The following PEX1 variants were observed in gnomAD, a reference collection of about 807,000 sequenced individuals.
PEX1 encodes peroxisomal biogenesis factor 1, also known as peroxisomal ATPase PEX1.
A neutral mutation model predicts 152.5 loss-of-function variants in PEX1; 97 were observed. The observed-to-expected ratio is 0.64, with a 90% CI of 0.54 to 0.75. The LOEUF (loss-of-function observed/expected upper bound fraction) is 0.75, where lower values mean the gene tolerates loss of function less well. Among genes scored for constraint, PEX1 ranks in the 30% least tolerant of loss-of-function variants. The pLI is 0.00. For synonymous variants in PEX1, 485 were observed against 531.6 expected (o/e 0.91, Z 1.21); for missense variants, 1,357 against 1,516.3 (o/e 0.89, Z 1.74).
At chr7:92,512,882 C>T (rs1473647753) in intron 6 of PEX1, among the ~76,000 whole-genome samples, 1 of 152,116 alleles carries the variant, frequency 6.6e-6, no homozygotes, top group Non-Finnish European at 1.5e-5. Context: ...CCTCCCACCT[C>T]AGCTTCCCAA....
Position 92,502,026 on chromosome 7 carries a change from A to T in PEX1, c.2280T>A (p.Asp760Glu). ...CNVIKNKLDCDINKFTDLDLQ... is the reference protein window; with the variant it reads ...CNVIKNKLDCEINKFTDLDLQ... Reference sequence around the variant, plus strand: ...GGTCAAGATCGGTGAACTTGTTTATATCACAGTCCAATTTATTTTTTATTA... The same window carrying T: ...GGTCAAGATCGGTGAACTTGTTTATTTCACAGTCCAATTTATTTTTTATTA... Residue 760 changes from aspartate (D) to glutamate (E), a missense_variant, in exon 14 of 24, where the codon GAT (aspartate) becomes GAA (glutamate). Transcript: ENST00000248633. The T allele has an allele frequency of 6.2e-7, 1 of 1,613,060 alleles. No individual in the cohort carries two copies. Among genetic ancestry groups the T allele is most frequent in the Middle Eastern group, 1.7e-4 (1 of 6,058 alleles).
At position 92,518,000 on chromosome 7, in the gene PEX1, T is replaced by C; in HGVS notation, c.515A>G (p.Asp172Gly). The change falls in exon 5 of 24, where the codon GAC becomes GGC. Residue 172 changes from aspartate (D) to glycine (G), a missense_variant. By Grantham distance (94) the Asp-to-Gly change is moderately conservative. Transcript: ENST00000248633. ...PAASYGRLET[D>G]TKLLIQPKTR... is the part of the protein sequence containing the mutation. ...CTTTGGCTGAATAAGGAGTTTGGTG[T>C]CAGTTTCCAGCCTTCCATAAGAGGC... The C allele has an allele frequency of 1.2e-6, 2 of 1,614,070 alleles. No homozygotes were observed. The highest frequency in any genetic ancestry group is 1.7e-6 in the Non-Finnish European group (2 of 1,179,976).
rs1440660705 is a variant in PEX1, at chr7:92,516,038, G to GAA, written c.1239+1236_1239+1237dup. Among the ~76,000 whole-genome samples the GAA allele has an allele frequency of 8.6e-3, 944 of 109,814 alleles. 7 individuals are homozygous for GAA. The highest frequency in any genetic ancestry group is 0.04 in the East Asian group (157 of 3,914). 72.0% of individuals were successfully genotyped at this position (109,814 alleles called of 152,430 possible). A position where few individuals can be genotyped will look rare whatever the true frequency, so the allele number is the denominator to read the frequency against. On this transcript the variant is annotated intron_variant, in intron 5 of 23. Coordinates refer to ENST00000248633, the MANE Select transcript of PEX1 (RefSeq NM_000466.3). ...GAAGAGAAGAGAAGAGAAGAGAAGA[G>GAA]AAGAGAAGAGAAGAGAAAAAAGAAA...
intron 11 of PEX1, 142 bp from the exon 12 acceptor site, chr7:92,505,044 A>G (rs1442015941): frequency 4.5e-6 from 3 of 669,442 alleles, no homozygotes; most frequent in Non-Finnish European, 7.9e-6. Context: ...TACCCATCAC[A>G]AAAACTTGTT....
intron 23 of PEX1, among the ~76,000 whole-genome samples, 166 bp downstream of exon 23, chr7:92,489,127 C>G (rs1791118087): frequency 6.6e-6 from 1 of 152,228 alleles, no homozygotes; most frequent in Non-Finnish European, 1.5e-5. Context: ...TTCTGTACTT[C>G]TGACATTTTG....
rs200162889 is a variant in PEX1 at position 92,528,472 on chromosome 7, C to A, written c.-37G>T. On this transcript the variant is annotated 5_prime_UTR_variant, in exon 1 of 24. Coordinates refer to ENST00000248633, the MANE Select transcript of PEX1 (RefSeq NM_000466.3). The stretch of plus-strand genomic sequence containing the variant: ...GTCGCTCTGGGTTCGCCCACCCTAG[C>A]GCCGCAAAGGACCCGGGACCCGGCA... The A allele has an allele frequency of 5.2e-6, 8 of 1,546,802 alleles. No individual in the cohort carries two copies. In the African/African-American group the frequency reaches 1.1e-4, roughly 21 times the overall value.
intron 1 of PEX1, among the ~76,000 whole-genome samples, chr7:92,523,071 C>G (rs1793119885): frequency 6.6e-6 from 1 of 151,810 alleles, no homozygotes; most frequent in African/African-American, 2.4e-5. Context: ...AGTTTGTGGC[C>G]AAGGACCAAA....
intron 8 of PEX1, among the ~76,000 whole-genome samples, chr7:92,509,943 A>G (rs1792376548): frequency 6.6e-6 from 1 of 152,158 alleles, no homozygotes; most frequent in Non-Finnish European, 1.5e-5. Context: ...CAGGAGTTCA[A>G]GAGCAGCCTG....
At chr7:92,515,688 A>G (rs1248918078) in intron 5 of PEX1, among the ~76,000 whole-genome samples, 2 of 152,182 alleles carry the variant, frequency 1.3e-5, no homozygotes, top group African/African-American at 2.4e-5. Context: ...GACAGTTTAA[A>G]GCTAACAGAA....
At position 92,522,225 on chromosome 7, in the gene PEX1, G is replaced by A; in HGVS notation, c.150C>T (p.Val50=). 6.2e-7 allele frequency: 1 copy of A among 1,613,988 alleles called. No individual in the cohort carries two copies. The highest frequency in any genetic ancestry group is 8.5e-7 in the Non-Finnish European group (1 of 1,179,976). Residue 50 remains valine (V), a synonymous_variant, in exon 2 of 24, where the codon GTC becomes GTT. Coordinates refer to ENST00000248633, the MANE Select transcript of PEX1 (RefSeq NM_000466.3). ...HLLQNQAIEV[V]WSHQPAFLSW... is the part of the protein sequence containing the mutation. ...TCAAGAATGCAGGCTGGTGACTCCA[G>A]ACCACTTCTATAGCTTGATTCTATT...
rs76587269 is a variant in PEX1 at position 92,499,570 on chromosome 7, T to C, written c.2718+134A>G. On this transcript the variant is annotated intron_variant, in intron 16 of 23. Transcript: ENST00000248633. ...GAGGAGGAGTGGAATGAAAAAGTTT[T>C]GAAATTAGAGAGAGGTGGTGGTTGC... 0.034 allele frequency: 25,274 copies of C among 734,876 alleles called. 554 individuals are homozygous for C. The highest frequency in any genetic ancestry group is 0.045 in the Non-Finnish European group (19,485 of 431,614). 45.5% of individuals were successfully genotyped at this position (734,876 alleles called of 1,614,324 possible).
At chr7:92,488,782 G>A (rs1347982835) in intron 23 of PEX1, among the ~76,000 whole-genome samples, 2 of 147,456 alleles carry the variant, frequency 1.4e-5, no homozygotes, top group African/African-American at 5.0e-5. Context: ...CAGGCTGGAT[G>A]GAGTGCAGTG....
chr7:92,487,319 T>A lies in PEX1; in HGVS notation c.*138A>T, dbSNP rs955676822. The stretch of plus-strand genomic sequence containing the variant: ...TCCTGATCATTACATAATTATAGCA[T>A]TTACCAATCTGTGATTTTATAAATT... On this transcript the variant is annotated 3_prime_UTR_variant, in exon 24 of 24. Coordinates refer to ENST00000248633, the MANE Select transcript of PEX1 (RefSeq NM_000466.3). 2 of 582,312 alleles carry A rather than the reference T, an allele frequency of 3.4e-6. No homozygotes were observed. The highest frequency in any genetic ancestry group is 6.2e-5 in the Admixed American group (2 of 32,260). The allele number at this position is 582,312 out of a possible 1,614,324, so 36.1% of individuals were successfully genotyped here. A position where few individuals can be genotyped will look rare whatever the true frequency, so the allele number is the denominator to read the frequency against.
intron 21 of PEX1, 22 bp from the exon 22 acceptor site, chr7:92,489,933 T>C: frequency 6.3e-7 from 1 of 1,592,784 alleles, no homozygotes; most frequent in South Asian, 1.1e-5. Flanking sequence ...ATTGTAGTAA[T>C]GAAAGATGGA....
At chr7:92,525,154 T>G (rs1793209745) in intron 1 of PEX1, among the ~76,000 whole-genome samples, 1 of 152,180 alleles carries the variant, frequency 6.6e-6, no homozygotes, top group East Asian at 1.9e-4. Flanking sequence ...GTCAAAATAC[T>G]TCACTTGAAC....
At chr7:92,490,371 A>C (rs1791226736) in intron 21 of PEX1, 1 of 200,900 alleles carries the variant, frequency 5.0e-6, no homozygotes, top group Non-Finnish European at 1.0e-5. Flanking sequence ...ATAGTGGCTC[A>C]CACCTGTAAT....
chr7:92,511,521 A>G lies in PEX1; in HGVS notation c.1483+59T>C, dbSNP rs920245697. 9.6e-6 allele frequency: 13 copies of G among 1,350,048 alleles called. No homozygotes were observed. In the African/African-American group the frequency reaches 1.6e-4, roughly 17 times the overall value. 83.6% of individuals were successfully genotyped at this position (1,350,048 alleles called of 1,614,324 possible). A position where few individuals can be genotyped will look rare whatever the true frequency, so the allele number is the denominator to read the frequency against. ...CACAGGTATGACAGGTTGCAAGAAC[A>G]ATTAAAAATGTACAACTATTTAAAT... On this transcript the variant is annotated intron_variant, in intron 7 of 23. Coordinates refer to ENST00000248633, the MANE Select transcript of PEX1 (RefSeq NM_000466.3).
At position 92,508,273 on chromosome 7, in the gene PEX1, G is replaced by A. The variant is rs554795645; in HGVS notation, c.1670+1056C>T. Reference sequence around the variant, plus strand: ...GTCTGAAGAGATTTTACTTTATGCTGGGCACAGTGGTTCACGCCTGTAATC... The same window carrying A: ...GTCTGAAGAGATTTTACTTTATGCTAGGCACAGTGGTTCACGCCTGTAATC... On this transcript the variant is annotated intron_variant, in intron 9 of 23. Transcript: ENST00000248633. 1.6e-4 allele frequency among the ~76,000 whole-genome samples: 24 copies of A among 152,154 alleles called. 1 individual carries two copies. In the East Asian group the frequency reaches 4.6e-3, roughly 29 times the overall value.
In PEX1 at chr7:92,487,467, G is replaced by A; in HGVS notation, c.3842C>T (p.Thr1281Ile). The change falls in exon 24 of 24, where the codon ACT becomes ATT. Residue 1281 changes from threonine to isoleucine, a missense_variant. Transcript: ENST00000248633. ...AAAAAGAAGTATATTTTATGCTAAA[G>A]TTACTTTCTGTCCAGGTCGAAACAT... is the stretch of plus-strand genomic sequence containing the variant. ...GTMFRPGQKV[T>I]LA The A allele has an allele frequency of 6.4e-7, 1 of 1,570,838 alleles. No homozygotes were observed. The highest frequency in any genetic ancestry group is 8.7e-7 in the Non-Finnish European group (1 of 1,145,790).
Sources: allele counts gnomAD v4.1 joint callset (sites outside exome capture counted in the v4.1 genomes callset), GRCh38; gene constraint gnomAD v4.1.1; transcripts MANE v1.5; gene names NCBI Gene and HGNC (gene_info 2026-07-23, HGNC 2026-07-21).